SPP1: variants seen among roughly 807,000 people sequenced by gnomAD.
SPP1 encodes the protein secreted phosphoprotein 1.
Under a neutral mutation model 20.8 loss-of-function variants are expected in SPP1, and 18 were observed. The observed-to-expected ratio is 0.87, with a 90% CI of 0.60 to 1.29. The LOEUF (loss-of-function observed/expected upper bound fraction) is 1.29, where lower values mean the gene tolerates loss of function less well. Among genes scored for constraint, SPP1 ranks in the 50% most tolerant of loss-of-function variants. The pLI is 0.00. For missense variants in SPP1, 363 were observed against 389.0 expected (o/e 0.93, Z 0.56); for synonymous variants, 146 against 141.5 (o/e 1.03, Z -0.23).
rs370418921 is a variant in SPP1 at position 87,980,375 on chromosome 4, G to A, written c.175-18G>A. The A allele has an allele frequency of 1.9e-5, 30 of 1,613,902 alleles. No individual in the cohort carries two copies. Among genetic ancestry groups the A allele is most frequent in the Non-Finnish European group, 2.5e-5 (29 of 1,179,922 alleles). On this transcript the variant is annotated intron_variant, in intron 4 of 6. Transcript: ENST00000395080. ...AGGCATGTGTGATGCGCACTAACACGTGCCATTCCTTCTTCAGAATGCTGT... is the reference window on the plus strand; with the variant it reads ...AGGCATGTGTGATGCGCACTAACACATGCCATTCCTTCTTCAGAATGCTGT...
intron 3 of SPP1, among the ~76,000 whole-genome samples, chr4:87,978,999 T>C (rs1725529773): frequency 6.6e-6 from 1 of 152,176 alleles, no homozygotes; most frequent in African/African-American, 2.4e-5. Context: ...ATAACTTGGC[T>C]AAAGAAAAAT....
In SPP1 at chr4:87,977,070, T is replaced by C. The variant is rs368905321; in HGVS notation, c.66T>C (p.Ala22=). The change falls in exon 3 of 7, where the codon GCT becomes GCC. Residue 22 remains alanine, a synonymous_variant. Transcript: ENST00000395080. ...GITCAIPVKQ[A]DSGSSEEKQL... ...TTTCTGTTTCTAAGGTTAAACAGGC[T>C]GATTCTGGAAGTTCTGAGGAAAAGC... The C allele has an allele frequency of 6.2e-6, 10 of 1,613,854 alleles. No individual in the cohort carries two copies. In the African/African-American group the frequency reaches 9.3e-5, roughly 15 times the overall value.
chr4:87,981,419 G>T, intron 5 of SPP1, 56 bp from the exon 6 acceptor site: 2 of 1,494,480 alleles, frequency 1.3e-6, no homozygotes, highest in South Asian at 1.2e-5. Context: ...GTGCTATAAA[G>T]GCTAAGGGAA....
At chr4:87,982,246 A>G (rs1725678881) in intron 6 of SPP1, among the ~76,000 whole-genome samples, 2 of 152,126 alleles carry the variant, frequency 1.3e-5, no homozygotes, top group South Asian at 4.1e-4. Context: ...GTAGGTTTCA[A>G]TATAATGAAA....
chr4:87,981,384 AAAAG>A, intron 5 of SPP1, 87 bp from the exon 6 acceptor site: 1 of 1,207,142 alleles, frequency 8.3e-7, no homozygotes, highest in South Asian at 1.5e-5. Context: ...AAACTAAATA[AAAAG>A]AAAGATAGTA....
At chr4:87,980,896 T>C (rs1175490314) in intron 5 of SPP1, among the ~76,000 whole-genome samples, 1 of 152,210 alleles carries the variant, frequency 6.6e-6, no homozygotes, top group Non-Finnish European at 1.5e-5. Flanking sequence ...TTAAAGCAAG[T>C]TAGATAAATT....
intron 6 of SPP1, among the ~76,000 whole-genome samples, chr4:87,982,073 C>A (rs1725671918): frequency 6.6e-6 from 1 of 151,856 alleles, no homozygotes; most frequent in Admixed American, 6.6e-5. Flanking sequence ...TGGAAAACAC[C>A]AATTATTTAA....
chr4:87,976,045 G>A (rs895074526), intron 1 of SPP1, among the ~76,000 whole-genome samples: 12 of 152,176 alleles, frequency 7.9e-5, no homozygotes, highest in African/African-American at 2.6e-4. Flanking sequence ...GGAAACCACC[G>A]ATGCTAATCA....
intron 3 of SPP1, among the ~76,000 whole-genome samples, chr4:87,979,139 T>C (rs1405262747): frequency 6.6e-6 from 1 of 150,942 alleles, no homozygotes; most frequent in Admixed American, 6.6e-5. Context: ...CTAGTGCAAC[T>C]GAGGAACTGA....
At position 87,977,819 on chromosome 4, in the gene SPP1, A is replaced by G; in HGVS notation, c.93+722A>G. Reference sequence around the variant, plus strand: ...ATAGAGCTGCCTTGGGGGTCACTGCAATTAGACTGCTTAATGAAGACATTA... The same window carrying G: ...ATAGAGCTGCCTTGGGGGTCACTGCGATTAGACTGCTTAATGAAGACATTA... On this transcript the variant is annotated intron_variant, in intron 3 of 6. Transcript: ENST00000395080. 3.1e-6 allele frequency: 4 copies of G among 1,278,400 alleles called. No individual in the cohort carries two copies. In the Middle Eastern group the frequency reaches 8.6e-4, roughly 275 times the overall value. 79.2% of individuals were successfully genotyped at this position (1,278,400 alleles called of 1,614,324 possible).
chr4:87,980,489 G>T lies in SPP1; in HGVS notation c.216+55G>T, dbSNP rs1054127005. The T allele has an allele frequency of 5.7e-6, 9 of 1,578,686 alleles. No individual in the cohort carries two copies. In the African/African-American group the frequency reaches 8.1e-5, roughly 14 times the overall value. Reference sequence around the variant, plus strand: ...TCATGCCTTGAAGAGATGAAAGAAGGCATTGCCTGGATTCTCTTCTGATGA... The same window carrying T: ...TCATGCCTTGAAGAGATGAAAGAAGTCATTGCCTGGATTCTCTTCTGATGA... On this transcript the variant is annotated intron_variant, in intron 5 of 6. Transcript: ENST00000395080.
At position 87,983,100 on chromosome 4, in the gene SPP1, G is replaced by A. The variant is rs183347805; in HGVS notation, c.*204G>A. 26 of 545,742 alleles carry A rather than the reference G, an allele frequency of 4.8e-5. No homozygotes were observed. In the Admixed American group the frequency reaches 5.3e-4, roughly 11 times the overall value. The allele number at this position is 545,742 out of a possible 1,614,324, so 33.8% of individuals were successfully genotyped here. A position where few individuals can be genotyped will look rare whatever the true frequency, so the allele number is the denominator to read the frequency against. On this transcript the variant is annotated 3_prime_UTR_variant, in exon 7 of 7. Coordinates refer to ENST00000395080, the MANE Select transcript of SPP1 (RefSeq NM_001040058.2). ...CTCCCTGTAAACTAAAAGCTTCAGG[G>A]TTATGTCTATGTTCATTCTATAGAA... is the stretch of plus-strand genomic sequence containing the variant.
In SPP1 at chr4:87,982,551, T is replaced by G. The variant is rs766881379; in HGVS notation, c.600T>G (p.Gly200=). 6.2e-7 allele frequency: 1 copy of G among 1,614,164 alleles called. No homozygotes were observed. Among genetic ancestry groups the G allele is most frequent in the South Asian group, 1.1e-5 (1 of 91,080 alleles). The change falls in exon 7 of 7, where the codon GGT becomes GGG. Residue 200 remains glycine (G), a synonymous_variant. Transcript: ENST00000395080. ...ACATGGAAAGCGAGGAGTTGAATGGTGCATACAAGGCCATCCCCGTTGCCC... is the reference window on the plus strand; with the variant it reads ...ACATGGAAAGCGAGGAGTTGAATGGGGCATACAAGGCCATCCCCGTTGCCC... The part of the protein sequence containing the change: ...TSHMESEELN[G]AYKAIPVAQD...
At chr4:87,981,876 AT>A in intron 6 of SPP1, 78 bp downstream of exon 6, 1 of 1,229,592 alleles carries the variant, frequency 8.1e-7, no homozygotes, top group Non-Finnish European at 1.1e-6. Context: ...ATATTCATTC[AT>A]TCATTCATCC....
chr4:87,979,099 C>T (rs1725533737), intron 3 of SPP1, among the ~76,000 whole-genome samples: 2 of 151,544 alleles, frequency 1.3e-5, no homozygotes. Flanking sequence ...TGATAAGATA[C>T]ATATGGCTAT....
intron 5 of SPP1, 125 bp from the exon 6 acceptor site, chr4:87,981,350 T>C (rs1176431151): frequency 7.3e-6 from 6 of 822,066 alleles, no homozygotes; most frequent in Non-Finnish European, 9.3e-6. Flanking sequence ...AGCCATGGTA[T>C]GTACTGTGAA....
chr4:87,980,332 CTT>C, intron 4 of SPP1, 59 bp from the exon 5 acceptor site: 1 of 1,601,170 alleles, frequency 6.2e-7, no homozygotes, highest in Non-Finnish European at 8.5e-7. Context: ...AAAAGGTTAA[CTT>C]TTGAATAAAA....
In SPP1 at chr4:87,982,642, G is replaced by T; in HGVS notation, c.691G>T (p.Asp231Tyr). Residue 231 changes from aspartate to tyrosine, a missense_variant, in exon 7 of 7, where the codon GAT becomes TAT. By Grantham distance (160) the Asp-to-Tyr change is radical. Coordinates refer to ENST00000395080, the MANE Select transcript of SPP1 (RefSeq NM_001040058.2). Reference sequence around the variant, plus strand: ...GGACAGTTATGAAACGAGTCAGCTGGATGACCAGAGTGCTGAAACCCACAG... The same window carrying T: ...GGACAGTTATGAAACGAGTCAGCTGTATGACCAGAGTGCTGAAACCCACAG... ...GKDSYETSQL[D>Y]DQSAETHSHK... The T allele has an allele frequency of 6.2e-7, 1 of 1,614,118 alleles. No homozygotes were observed. Among genetic ancestry groups the T allele is most frequent in the South Asian group, 1.1e-5 (1 of 91,078 alleles).
Position 87,981,522 on chromosome 4 carries a change from GGAT to G in SPP1, c.270_272del (p.Asp90del). 1.2e-6 allele frequency: 2 copies of G among 1,614,152 alleles called. No individual in the cohort carries two copies. The highest frequency in any genetic ancestry group is 2.2e-5 in the South Asian group (2 of 91,072). On this transcript the variant is annotated inframe_deletion, in exon 6 of 7. Coordinates refer to ENST00000395080, the MANE Select transcript of SPP1 (RefSeq NM_001040058.2). The stretch of plus-strand genomic sequence containing the variant: ...AAAGCCATGACCACATGGATGATAT[GGAT>G]GATGAAGATGATGATGACCATGTGG...
Sources: gnomAD v4.1 joint callset for allele counts (sites outside exome capture counted in the v4.1 genomes callset) on GRCh38, gnomAD v4.1.1 for gene constraint, MANE v1.5 for transcripts, NCBI Gene and HGNC (gene_info 2026-07-23, HGNC 2026-07-21) for gene names.